Variants in SHROOM3 observed in about 807,000 individuals in gnomAD.
SHROOM3 encodes protein Shroom3.
A neutral mutation model predicts 138.6 loss-of-function variants in SHROOM3; 47 were observed. The observed-to-expected ratio is 0.34, with a 90% confidence interval of 0.27 to 0.43. The LOEUF is 0.43. Among genes scored for constraint, SHROOM3 ranks in the 20% least tolerant of loss-of-function variants. The probability of loss-of-function intolerance (pLI) is 1.00; values close to 1 mark genes in which losing one functional copy is unlikely to be tolerated. For missense variants in SHROOM3, 2,491 were observed against 2,596.5 expected (o/e 0.96, Z 0.88); for synonymous variants, 1,062 against 1,063.3 (o/e 1.00, Z 0.02).
Position 76,545,348 on chromosome 4 carries a change from C to T in SHROOM3, c.169-10261C>T, listed in dbSNP as rs192590271. 1.6e-3 allele frequency among the ~76,000 whole-genome samples: 250 copies of T among 152,306 alleles called. 1 individual carries two copies. Among genetic ancestry groups the T allele is most frequent in the Non-Finnish European group, 1.4e-3 (95 of 68,024 alleles). Reference sequence around the variant, plus strand: ...ATCCTACCCTTGTGGTCAGCTCCTTCCTCCCAGGGAGCTGTAAATCAAGAA... The same window carrying T: ...ATCCTACCCTTGTGGTCAGCTCCTTTCTCCCAGGGAGCTGTAAATCAAGAA... On this transcript the variant is annotated intron_variant, in intron 1 of 10. Coordinates refer to ENST00000296043, the MANE Select transcript of SHROOM3 (RefSeq NM_020859.4).
chr4:76,552,165 A>AT (rs1439024706), intron 1 of SHROOM3, among the ~76,000 whole-genome samples: 3 of 150,652 alleles, frequency 2.0e-5, no homozygotes, highest in African/African-American at 7.3e-5. Flanking sequence ...CCTGGCCTAA[A>AT]TTTTTAATTG....
intron 1 of SHROOM3, among the ~76,000 whole-genome samples, chr4:76,452,486 A>G (rs937010881): frequency 2.6e-5 from 4 of 152,198 alleles, no homozygotes; most frequent in Non-Finnish European, 5.9e-5. Context: ...GAATCATACA[A>G]TATTTGTTCT....
chr4:76,620,948 T>A (rs982004815), intron 2 of SHROOM3, among the ~76,000 whole-genome samples: 5 of 152,028 alleles, frequency 3.3e-5, no homozygotes, highest in African/African-American at 4.8e-5. Context: ...GAACAGCACC[T>A]TATCAGCACC....
intron 1 of SHROOM3, among the ~76,000 whole-genome samples, chr4:76,528,060 G>C (rs1732738111): frequency 6.6e-6 from 1 of 152,168 alleles, no homozygotes; most frequent in Admixed American, 6.5e-5. Context: ...CTTTAAGAGA[G>C]CATCAAGCCT....
intron 2 of SHROOM3, among the ~76,000 whole-genome samples, chr4:76,589,496 C>T (rs1241845016): frequency 1.3e-5 from 2 of 151,834 alleles, no homozygotes; most frequent in East Asian, 3.9e-4. Context: ...AAAAAGACTC[C>T]TGGCATCAGT....
intron 1 of SHROOM3, among the ~76,000 whole-genome samples, chr4:76,441,097 T>TTG (rs1553913364): frequency 7.4e-6 from 1 of 135,446 alleles, no homozygotes; most frequent in Non-Finnish European, 1.6e-5. Context: ...TTTTTTTTTT[T>TTG]TTTTTTTTTT....
chr4:76,735,857 AAAAAAAAAAAAAT>A (rs1227368516), intron 4 of SHROOM3, among the ~76,000 whole-genome samples: 6 of 44,008 alleles, frequency 1.4e-4, no homozygotes, highest in East Asian at 8.1e-4. Flanking sequence ...AAAAAAAAAA[AAAAAAAAAAAAAT>A]ATATATATAT....
At chr4:76,672,347 C>T (rs1718906128) in intron 2 of SHROOM3, among the ~76,000 whole-genome samples, 1 of 149,056 alleles carries the variant, frequency 6.7e-6, no homozygotes, top group Non-Finnish European at 1.5e-5. Flanking sequence ...ATTGCTTCAG[C>T]AGGCATATAT....
chr4:76,607,499 C>T (rs1734647268), intron 2 of SHROOM3, among the ~76,000 whole-genome samples: 1 of 152,136 alleles, frequency 6.6e-6, no homozygotes. Flanking sequence ...GTTATGGTGG[C>T]TCTGGGGAAT....
intron 10 of SHROOM3, among the ~76,000 whole-genome samples, chr4:76,773,373 GA>G (rs574066208): frequency 0.2 from 16,236 of 80,542 alleles, 954 homozygotes; most frequent in East Asian, 0.33. Context: ...GACTGTCTCA[GA>G]AAAAAAAAAA....
At chr4:76,614,019 T>C (rs922003838) in intron 2 of SHROOM3, among the ~76,000 whole-genome samples, 19 of 141,408 alleles carry the variant, frequency 1.3e-4, no homozygotes, top group African/African-American at 5.1e-4. Context: ...AAATGGCCCC[T>C]TTTTCGTTTT....
intron 2 of SHROOM3, among the ~76,000 whole-genome samples, chr4:76,616,561 G>A (rs72661443): frequency 0.085 from 12,883 of 152,200 alleles, 594 homozygotes; most frequent in East Asian, 0.13. Flanking sequence ...TATACTAAGT[G>A]AAATAAGCCA....
intron 9 of SHROOM3, among the ~76,000 whole-genome samples, chr4:76,770,127 A>AG (rs1722300677): frequency 1.3e-5 from 2 of 152,070 alleles, no homozygotes; most frequent in African/African-American, 4.8e-5. Context: ...GTTCGAGACC[A>AG]GTCTGGCCAA....
chr4:76,494,037 T>C (rs1401369033), intron 1 of SHROOM3, among the ~76,000 whole-genome samples: 2 of 152,168 alleles, frequency 1.3e-5, no homozygotes. Context: ...CGTTTTGGCA[T>C]CCTTTTTACG....
rs72663240 is a variant in SHROOM3, at chr4:76,756,405, T to C, written c.4710-44T>C. 0.025 allele frequency: 35,247 copies of C among 1,408,186 alleles called. 214 individuals carry two copies. Among genetic ancestry groups the C allele is most frequent in the East Asian group, 0.086 (3,157 of 36,814 alleles). The allele number at this position is 1,408,186 out of a possible 1,614,324, so 87.2% of individuals were successfully genotyped here. On this transcript the variant is annotated intron_variant, in intron 7 of 10. Coordinates refer to ENST00000296043, the MANE Select transcript of SHROOM3 (RefSeq NM_020859.4). ...TCACCCTTCTCTTATCACTCTCTCT[T>C]TCTCTCTCTCTCTTTTTTTTTTTTT...
chr4:76,435,590 G>A lies in SHROOM3; in HGVS notation c.-463G>A, dbSNP rs191704321. 6.6e-6 allele frequency: 1 copy of A among 152,460 alleles called. No individual in the cohort carries two copies. The highest frequency in any genetic ancestry group is 1.5e-5 in the Non-Finnish European group (1 of 68,240). The allele number at this position is 152,460 out of a possible 1,614,324, so 9.4% of individuals were successfully genotyped here. A position where few individuals can be genotyped will look rare whatever the true frequency, so the allele number is the denominator to read the frequency against. ...ATGGTAAATTTCACTCCGAGAGGAA[G>A]AAAGGGTTGATAATCAATCAAAAAT... On this transcript the variant is annotated 5_prime_UTR_variant, in exon 1 of 11. Transcript: ENST00000296043.
intron 2 of SHROOM3, among the ~76,000 whole-genome samples, chr4:76,592,614 A>G (rs1734297323): frequency 6.6e-6 from 1 of 152,224 alleles, no homozygotes; most frequent in Non-Finnish European, 1.5e-5. Context: ...AGAGAAAAAA[A>G]GCTTGCTTTT....
rs192977316 is a variant in SHROOM3, at chr4:76,627,175, T to C, written c.323+71412T>C. Among the ~76,000 whole-genome samples the C allele has an allele frequency of 3.3e-5, 5 of 152,322 alleles. No homozygotes were observed. The East Asian group carries it at 5.8e-4, about 18-fold the overall frequency. On this transcript the variant is annotated intron_variant, in intron 2 of 10. Transcript: ENST00000296043. ...GGGATGCGAGTAGGGGCTTTTTCTC[T>C]GAATATTATTCTCAGATTTTCTCCC... is the stretch of plus-strand genomic sequence containing the variant.
chr4:76,780,530 G>GAAAAAAAAAATAA lies in SHROOM3; in HGVS notation c.*1355_*1356insAAAAAAAATAAAA, dbSNP rs1722705786. On this transcript the variant is annotated 3_prime_UTR_variant, in exon 11 of 11. Transcript: ENST00000296043. ...TAGAAAATTGGGGGAGTAAAATTTT[G>GAAAAAAAAAATAA]AAGTAAAAAAAAAAAAAAAATGACA... 1 of 145,268 alleles carries GAAAAAAAAAATAA rather than the reference G, an allele frequency of 6.9e-6. No homozygotes were observed. The allele number at this position is 145,268 out of a possible 1,614,324, so 9.0% of individuals were successfully genotyped here.
Sources: gnomAD v4.1 joint callset for allele counts (sites outside exome capture counted in the v4.1 genomes callset) on GRCh38, gnomAD v4.1.1 for gene constraint, MANE v1.5 for transcripts, NCBI Gene and HGNC (gene_info 2026-07-23, HGNC 2026-07-21) for gene names.